MLH3: variants seen among roughly 807,000 people sequenced by gnomAD.
MLH3 encodes the protein DNA mismatch repair protein Mlh3.
In MLH3, 82 loss-of-function variants were observed where a neutral mutation model predicts 122.2. That is an observed-to-expected ratio of 0.67 (90% CI 0.56 to 0.81). MLH3 has a LOEUF of 0.81. Ranked by LOEUF, MLH3 falls within the 30% of genes least tolerant of loss-of-function variation. The pLI, the probability that MLH3 is intolerant of heterozygous loss-of-function variation, is 0.00. For missense variants in MLH3, 1,539 were observed against 1,714.5 expected (o/e 0.90, Z 1.81); for synonymous variants, 524 against 599.5 (o/e 0.87, Z 1.84).
chr14:75,028,416 A>AT (rs34129769), intron 9 of MLH3, among the ~76,000 whole-genome samples: 2,217 of 128,134 alleles, frequency 0.017, 39 homozygotes, highest in South Asian at 0.044. Context: ...TTTCCCCCCA[A>AT]TTTTTTTTTT....
chr14:75,045,944 C>T (rs986692624), intron 2 of MLH3, among the ~76,000 whole-genome samples: 4 of 151,952 alleles, frequency 2.6e-5, no homozygotes, highest in African/African-American at 7.3e-5. Context: ...TCTGGGAGGC[C>T]GAGGCAGGTG....
At position 75,047,504 on chromosome 14, in the gene MLH3, G is replaced by T; in HGVS notation, c.2152C>A (p.Pro718Thr). 1 of 1,614,046 alleles carries T rather than the reference G, an allele frequency of 6.2e-7. No homozygotes were observed. The highest frequency in any genetic ancestry group is 8.5e-7 in the Non-Finnish European group (1 of 1,179,998). Residue 718 changes from proline to threonine, a missense_variant, in exon 2 of 13, where the codon CCC becomes ACC. Transcript: ENST00000355774. ...TCATTGGAAACGTGTCTATACCAGG[G>T]GAAAGAGGGGGATGTATCAGATAAT... ...CILSDTSPSF[P>T]WYRHVSNDSR...
In MLH3 at chr14:75,047,006, C is replaced by T. The variant is rs61752723; in HGVS notation, c.2650G>A (p.Glu884Lys). 82 of 1,614,070 alleles carry T rather than the reference C, an allele frequency of 5.1e-5. 1 individual carries two copies. Among genetic ancestry groups the T allele is most frequent in the Admixed American group, 3.3e-5 (2 of 60,012 alleles). ...ATCCCCATTGTTTGAGTTTCTCTTT[C>T]GGAACCCTTCAGTCTGGATAATTTA... ...ASKLSRLKGS[E>K]RETQTMGMMS... Residue 884 changes from glutamate (E) to lysine (K), a missense_variant, in exon 2 of 13, where the codon GAA (glutamate) becomes AAA (lysine). Transcript: ENST00000355774.
At position 75,024,199 on chromosome 14, in the gene MLH3, G is replaced by T. The variant is rs181161984; in HGVS notation, c.3988-1181C>A. Among the ~76,000 whole-genome samples the T allele has an allele frequency of 3.3e-4, 50 of 152,158 alleles. 2 individuals carry two copies. The East Asian group carries it at 6.2e-3, about 19-fold the overall frequency. On this transcript the variant is annotated intron_variant, in intron 9 of 12. Transcript: ENST00000355774. Reference sequence around the variant, plus strand: ...ATTTTATTTTTTATTTATTTATTTAGTTAGTTAGTTACTTATTTTGAGATG... The same window carrying T: ...ATTTTATTTTTTATTTATTTATTTATTTAGTTAGTTACTTATTTTGAGATG...
At chr14:75,022,619 A>G (rs1484155903) in intron 11 of MLH3, among the ~76,000 whole-genome samples, 195 bp downstream of exon 11, 1 of 152,222 alleles carries the variant, frequency 6.6e-6, no homozygotes, top group Non-Finnish European at 1.5e-5. Context: ...AGGCAGCACT[A>G]TAGTCAAATT....
In MLH3 at chr14:75,046,769, A is replaced by C. The variant is rs1892263113; in HGVS notation, c.2887T>G (p.Cys963Gly). The change falls in exon 2 of 13, where the codon TGT becomes GGT. Residue 963 changes from cysteine to glycine, a missense_variant. Cys to Gly is a radical substitution (Grantham distance 159). Coordinates refer to ENST00000355774, the MANE Select transcript of MLH3 (RefSeq NM_001040108.2). ...ACCAAAGGAGTTTCTGATATCACAC[A>C]GTTCTCTGTTGTATTGCTGTTAGAA... is the stretch of plus-strand genomic sequence containing the variant. Reference protein sequence around the residue: ...THSNSNTTENCVISETPLVLP... With the variant: ...THSNSNTTENGVISETPLVLP... The C allele has an allele frequency of 1.9e-6, 3 of 1,614,188 alleles. No individual in the cohort carries two copies. Among genetic ancestry groups the C allele is most frequent in the East Asian group, 4.5e-5 (2 of 44,888 alleles).
chr14:75,050,166 T>C (rs888984946), intron 1 of MLH3, among the ~76,000 whole-genome samples: 3 of 152,214 alleles, frequency 2.0e-5, no homozygotes, highest in African/African-American at 7.2e-5. Flanking sequence ...TATAATGAAT[T>C]GCTAAGACAT....
intron 11 of MLH3, among the ~76,000 whole-genome samples, 161 bp downstream of exon 11, chr14:75,022,653 T>A (rs1890360024): frequency 6.6e-6 from 1 of 152,254 alleles, no homozygotes; most frequent in Non-Finnish European, 1.5e-5. Flanking sequence ...TTTGTTTTTG[T>A]AAAAGTGATT....
intron 7 of MLH3, 86 bp from the exon 8 acceptor site, chr14:75,032,265 C>A: frequency 1.2e-6 from 1 of 819,940 alleles, no homozygotes; most frequent in Non-Finnish European, 2.1e-6. Flanking sequence ...TTGAGATAAT[C>A]ATTCTAATGC....
At chr14:75,021,823 A>G (rs922521477) in intron 11 of MLH3, among the ~76,000 whole-genome samples, 2 of 152,250 alleles carry the variant, frequency 1.3e-5, no homozygotes, top group African/African-American at 2.4e-5. Flanking sequence ...TAATCCTATT[A>G]CTGGGAATAT....
intron 12 of MLH3, 94 bp downstream of exon 12, chr14:75,018,735 A>G: frequency 7.0e-7 from 1 of 1,425,230 alleles, no homozygotes; most frequent in South Asian, 1.2e-5. Flanking sequence ...CTATTTTGGA[A>G]AGGTTAAGAC....
rs1324003703 is a variant in MLH3, at chr14:75,047,744, C to A, written c.1912G>T (p.Ala638Ser). Residue 638 changes from alanine (A) to serine (S), a missense_variant, in exon 2 of 13, where the codon GCC (alanine) becomes TCC (serine). Physicochemically the swap from Ala to Ser is moderately conservative, Grantham distance 99 (BLOSUM62 1). Coordinates refer to ENST00000355774, the MANE Select transcript of MLH3 (RefSeq NM_001040108.2). ...GTTCTATTTCCAAATGTTTCTTGGGCACGTGTGGGACCAGGTCTAACATAA... is the reference window on the plus strand; with the variant it reads ...GTTCTATTTCCAAATGTTTCTTGGGAACGTGTGGGACCAGGTCTAACATAA... The part of the protein sequence containing the change: ...KNYVRPGPTR[A>S]QETFGNRTRH... The A allele has an allele frequency of 6.2e-7, 1 of 1,614,022 alleles. No individual in the cohort carries two copies. The highest frequency in any genetic ancestry group is 8.5e-7 in the Non-Finnish European group (1 of 1,180,016).
intron 5 of MLH3, 43 bp downstream of exon 5, chr14:75,039,868 T>TATATATATAC (rs1891705110): frequency 4.6e-6 from 2 of 433,716 alleles, no homozygotes; most frequent in African/African-American, 4.5e-5. Flanking sequence ...TATATATATA[T>TATATATATAC]ATATATATAT....
At chr14:75,023,782 G>A (rs971764236) in intron 9 of MLH3, among the ~76,000 whole-genome samples, 1 of 152,056 alleles carries the variant, frequency 6.6e-6, no homozygotes, top group Non-Finnish European at 1.5e-5. Flanking sequence ...TTTACTCCTG[G>A]AAAAGGCTAT....
chr14:75,031,848 G>T (rs1040284814), intron 8 of MLH3, among the ~76,000 whole-genome samples: 24 of 152,178 alleles, frequency 1.6e-4, no homozygotes, highest in African/African-American at 5.1e-4. Context: ...ATTGGATGCA[G>T]AAAAAAATAT....
At chr14:75,036,771 C>A in intron 6 of MLH3, 1 of 456,198 alleles carries the variant, frequency 2.2e-6, no homozygotes, top group Non-Finnish European at 4.4e-6. Context: ...CAGAAGTCAT[C>A]TTTTACATAC....
chr14:75,034,229 G>C (rs1891239392), intron 6 of MLH3, among the ~76,000 whole-genome samples: 1 of 150,190 alleles, frequency 6.7e-6, no homozygotes, highest in Non-Finnish European at 1.5e-5. Context: ...ATTTCCTCAA[G>C]TTTGAAGCTT....
At position 75,047,056 on chromosome 14, in the gene MLH3, T is replaced by C. The variant is rs1892287229; in HGVS notation, c.2600A>G (p.Glu867Gly). Residue 867 changes from glutamate (E) to glycine (G), a missense_variant, in exon 2 of 13, where the codon GAG (glutamate) becomes GGG (glycine). Transcript: ENST00000355774. ...AGAGGCTAGTGATTCAGATGACTTC[T>C]CAAGGTCCAAAGGTTTTCTATTAAA... Reference protein sequence around the residue: ...SLFNRKPLDLEKSSESLASKL... With the variant: ...SLFNRKPLDLGKSSESLASKL... 4 of 1,614,168 alleles carry C rather than the reference T, an allele frequency of 2.5e-6. No individual in the cohort carries two copies.
chr14:75,035,822 T>G (rs1321940067), intron 6 of MLH3, among the ~76,000 whole-genome samples: 1 of 152,050 alleles, frequency 6.6e-6, no homozygotes, highest in African/African-American at 2.4e-5. Flanking sequence ...AGGCATCCCT[T>G]GCAAATGTGC....
Sources: allele counts gnomAD v4.1 joint callset (sites outside exome capture counted in the v4.1 genomes callset), GRCh38; gene constraint gnomAD v4.1.1; transcripts MANE v1.5; gene names NCBI Gene and HGNC (gene_info 2026-07-23, HGNC 2026-07-21).